The following SSPN variants were observed in gnomAD, a reference collection of about 807,000 sequenced individuals.
The protein encoded by SSPN is K-ras oncogene-associated protein.
In SSPN, 15 loss-of-function variants were observed where a neutral mutation model predicts 19.1. The observed-to-expected ratio is 0.78, with a 90% CI of 0.52 to 1.21. The LOEUF (loss-of-function observed/expected upper bound fraction) is 1.21. SSPN is among the 50% of genes most tolerant of loss of function. The probability of loss-of-function intolerance (pLI) is 0.00; values close to 1 mark genes in which losing one functional copy is unlikely to be tolerated. For synonymous variants in SSPN, 147 were observed against 140.3 expected (o/e 1.05, Z -0.34); for missense variants, 291 against 314.0 (o/e 0.93, Z 0.55).
At chr12:26,123,258 C>A (rs1944331259) in intron 1 of SSPN, 3 of 1,438,566 alleles carry the variant, frequency 2.1e-6, no homozygotes, top group Non-Finnish European at 2.8e-6. Flanking sequence ...ATCACGTGGG[C>A]CCTGCATCGA....
chr12:26,197,594 A>G (rs1462540153), intron 1 of SSPN, among the ~76,000 whole-genome samples: 1 of 152,204 alleles, frequency 6.6e-6, no homozygotes, highest in African/African-American at 2.4e-5. Context: ...CAAAGAGGCA[A>G]ATTAGATGGA....
chr12:26,224,161 T>G, intron 1 of SSPN, 132 bp from the exon 2 acceptor site: 1 of 664,440 alleles, frequency 1.5e-6, no homozygotes, highest in Non-Finnish European at 2.7e-6. Flanking sequence ...AAAAACACAG[T>G]ACATAAAGAT....
intron 1 of SSPN, among the ~76,000 whole-genome samples, chr12:26,222,122 TTCTCTCCAGA>T (rs1945128006): frequency 6.6e-6 from 1 of 152,224 alleles, no homozygotes; most frequent in African/African-American, 2.4e-5. Context: ...CTGTTTTCTT[TTCTCTCCAGA>T]TCTCTCCAGT....
intron 1 of SSPN, among the ~76,000 whole-genome samples, chr12:26,167,139 CA>C (rs1944626057): frequency 6.6e-6 from 1 of 152,166 alleles, no homozygotes; most frequent in African/African-American, 2.4e-5. Context: ...TTTAATTAGT[CA>C]ATTAATTCGG....
chr12:26,234,374 T>G lies in SSPN; in HGVS notation c.*3298T>G, dbSNP rs958641429. The G allele has an allele frequency of 1.3e-5, 2 of 152,198 alleles. No individual in the cohort carries two copies. Among genetic ancestry groups the G allele is most frequent in the Non-Finnish European group, 2.9e-5 (2 of 68,046 alleles). 9.4% of individuals were successfully genotyped at this position (152,198 alleles called of 1,614,324 possible). ...TGAACCGTTGCTACATAGCCATAAA[T>G]TTCTGTAAATCATGTTGGCTATCAG... On this transcript the variant is annotated 3_prime_UTR_variant, in exon 3 of 3. Transcript: ENST00000242729.
intron 1 of SSPN, among the ~76,000 whole-genome samples, chr12:26,156,188 G>A (rs533425786): frequency 6.6e-5 from 10 of 152,286 alleles, no homozygotes; most frequent in East Asian, 5.8e-4. Flanking sequence ...CCAGAACTCC[G>A]TGAAGTAGAC....
intron 1 of SSPN, among the ~76,000 whole-genome samples, chr12:26,123,427 CTCCGAGT>C (rs903164935): frequency 6.6e-6 from 1 of 152,182 alleles, no homozygotes; most frequent in African/African-American, 2.4e-5. Context: ...ATCCTGATTC[CTCCGAGT>C]TCTGCTGAAA....
At chr12:26,181,386 T>A (rs1456707086) in intron 1 of SSPN, 1 of 152,198 alleles carries the variant, frequency 6.6e-6, no homozygotes, top group Non-Finnish European at 1.5e-5. Context: ...CAAAATCAGT[T>A]AACTTTCTGA....
chr12:26,168,782 G>A (rs892147292), intron 1 of SSPN, among the ~76,000 whole-genome samples: 4 of 152,138 alleles, frequency 2.6e-5, no homozygotes, highest in African/African-American at 4.8e-5. Context: ...AAATCCATAC[G>A]ACTTAGTGAT....
Position 26,123,007 on chromosome 12 carries a change from C to A in SSPN, c.-31+855C>A, listed in dbSNP as rs545506271. ...TGCGGGGTGGGCAAGAACTGGGTGG[C>A]CACGGCGTGCAAGTGGTTGATCAGC... On this transcript the variant is annotated intron_variant, in intron 1 of 2. Coordinates refer to the SSPN transcript ENST00000538142. 5.7e-6 allele frequency: 9 copies of A among 1,567,470 alleles called. No homozygotes were observed. In the East Asian group the frequency reaches 1.9e-4, roughly 33 times the overall value.
At chr12:26,131,038 T>C (rs1944394875) in intron 1 of SSPN, among the ~76,000 whole-genome samples, 1 of 152,198 alleles carries the variant, frequency 6.6e-6, no homozygotes, top group South Asian at 2.1e-4. Context: ...GATACTGGGT[T>C]GGCACTAGCC....
intron 1 of SSPN, among the ~76,000 whole-genome samples, chr12:26,166,556 A>G (rs1385125883): frequency 1.3e-5 from 2 of 152,250 alleles, no homozygotes; most frequent in Non-Finnish European, 2.9e-5. Flanking sequence ...CTATTTTTAC[A>G]TCTCTAAGAG....
intron 1 of SSPN, among the ~76,000 whole-genome samples, chr12:26,200,747 A>G (rs761592841): frequency 2.6e-4 from 40 of 151,898 alleles, no homozygotes; most frequent in Non-Finnish European, 5.0e-4. Flanking sequence ...GCATAGTAAT[A>G]CATTATTCAT....
intron 1 of SSPN, among the ~76,000 whole-genome samples, chr12:26,221,202 ACT>A (rs150490883): frequency 0.013 from 1,988 of 151,976 alleles, 37 homozygotes; most frequent in African/African-American, 0.045. Flanking sequence ...ACGTACTATT[ACT>A]CTCTCTGCAC....
chr12:26,212,338 G>C (rs1013180194), intron 1 of SSPN, among the ~76,000 whole-genome samples: 1 of 152,188 alleles, frequency 6.6e-6, no homozygotes, highest in African/African-American at 2.4e-5. Flanking sequence ...GTGTGATTGA[G>C]CAAGTGTCTT....
At chr12:26,213,184 G>C (rs1169097270) in intron 1 of SSPN, among the ~76,000 whole-genome samples, 2 of 152,018 alleles carry the variant, frequency 1.3e-5, no homozygotes, top group African/African-American at 2.4e-5. Flanking sequence ...AGTGTAATCA[G>C]AGAAACATGC....
chr12:26,198,156 C>CT (rs1292381476), intron 1 of SSPN, among the ~76,000 whole-genome samples: 1 of 149,308 alleles, frequency 6.7e-6, no homozygotes, highest in Non-Finnish European at 1.5e-5. Flanking sequence ...TGCTGAATAA[C>CT]TTTGAGTTTT....
At chr12:26,222,360 C>T (rs2137507192) in intron 1 of SSPN, among the ~76,000 whole-genome samples, 1 of 152,240 alleles carries the variant, frequency 6.6e-6, no homozygotes, top group East Asian at 1.9e-4. Context: ...GATTATGTAA[C>T]CGAAGGGAGA....
Position 26,195,712 on chromosome 12 carries a change from G to A in SSPN, c.40G>A (p.Gly14Arg). The A allele has an allele frequency of 2.4e-6, 3 of 1,259,200 alleles. 1 individual carries two copies. The highest frequency in any genetic ancestry group is 5.8e-5 in the East Asian group (1 of 17,142). 78.0% of individuals were successfully genotyped at this position (1,259,200 alleles called of 1,614,324 possible). ...NKQPRGQQRQ[G>R]GPPAADAAGP... is the part of the protein sequence containing the mutation. The stretch of plus-strand genomic sequence containing the variant: ...GCAGCCACGCGGCCAGCAGAGGCAG[G>A]GGGGCCCGCCGGCCGCGGACGCCGC... The change falls in exon 1 of 3, where the codon GGG (glycine) becomes AGG (arginine). Residue 14 changes from glycine (G) to arginine (R), a missense_variant. Coordinates refer to ENST00000242729, the MANE Select transcript of SSPN (RefSeq NM_005086.5).
Sources: allele counts gnomAD v4.1 joint callset (sites outside exome capture counted in the v4.1 genomes callset), GRCh38; gene constraint gnomAD v4.1.1; transcripts MANE v1.5; gene names NCBI Gene and HGNC (gene_info 2026-07-23, HGNC 2026-07-21).